SDK1: variants seen among roughly 807,000 people sequenced by gnomAD.
SDK1 encodes protein sidekick-1.
SDK1 carries 157 observed loss-of-function variants against 245.5 expected under a neutral mutation model. The ratio of observed to expected loss-of-function variants is 0.64; its 90% CI spans 0.56 to 0.73. SDK1 has a LOEUF of 0.73. SDK1 is among the 30% of genes least tolerant of loss of function. The pLI is 0.00. For synonymous variants in SDK1, 1,647 were observed against 1,278.5 expected, an observed-to-expected ratio of 1.29 and a Z score of -6.15; for missense variants, 3,583 against 3,002.3, an observed-to-expected ratio of 1.19 and a Z score of -4.52.
At chr7:3,737,480 G>C (rs1466022140) in intron 4 of SDK1, among the ~76,000 whole-genome samples, 1 of 152,228 alleles carries the variant, frequency 6.6e-6, no homozygotes, top group East Asian at 1.9e-4. Context: ...GCTGTAGGCT[G>C]AGCCCCAGGG....
At chr7:3,553,168 G>A (rs1032629787) in intron 1 of SDK1, among the ~76,000 whole-genome samples, 2 of 151,972 alleles carry the variant, frequency 1.3e-5, no homozygotes, top group Admixed American at 6.6e-5. Context: ...AACAATAGCT[G>A]ACATTTTCTG....
At chr7:3,693,318 C>G (rs929308732) in intron 4 of SDK1, among the ~76,000 whole-genome samples, 1 of 152,058 alleles carries the variant, frequency 6.6e-6, no homozygotes, top group African/African-American at 2.4e-5. Context: ...TTCCAAATCC[C>G]TCTCGTTATT....
intron 25 of SDK1, among the ~76,000 whole-genome samples, chr7:4,118,222 T>G (rs1783839686): frequency 1.3e-5 from 2 of 152,092 alleles, no homozygotes; most frequent in Admixed American, 1.3e-4. Context: ...TATAAAGACT[T>G]CACAACAAAA....
At chr7:4,142,159 A>G (rs1383517139) in intron 28 of SDK1, among the ~76,000 whole-genome samples, 2 of 152,158 alleles carry the variant, frequency 1.3e-5, no homozygotes, top group Admixed American at 6.5e-5. Flanking sequence ...AGCAGGCTGA[A>G]CCCTACGCAT....
intron 44 of SDK1, among the ~76,000 whole-genome samples, chr7:4,263,372 C>T (rs963724175): frequency 6.6e-6 from 1 of 151,136 alleles, no homozygotes; most frequent in Non-Finnish European, 1.5e-5. Context: ...CTGCGTAGAC[C>T]TCTGCTGGGT....
intron 1 of SDK1, among the ~76,000 whole-genome samples, chr7:3,370,093 A>T (rs141124358): frequency 1.3e-5 from 2 of 152,360 alleles, no homozygotes; most frequent in African/African-American, 4.8e-5. Context: ...GGCCTAAGTT[A>T]AAGTTTGCAT....
At chr7:3,904,058 C>T (rs573057185) in intron 5 of SDK1, among the ~76,000 whole-genome samples, 59 of 152,276 alleles carry the variant, frequency 3.9e-4, no homozygotes, top group African/African-American at 1.4e-3. Flanking sequence ...TGTGAGCCAA[C>T]TACACCTCTT....
intron 2 of SDK1, among the ~76,000 whole-genome samples, chr7:3,620,517 T>G (rs4476896): frequency 0.66 from 99,518 of 151,924 alleles, 32,984 homozygotes; most frequent in South Asian, 0.78. Context: ...TGACCAGGCT[T>G]GTCTCAAACT....
intron 1 of SDK1, among the ~76,000 whole-genome samples, chr7:3,544,381 A>C: frequency 6.6e-6 from 1 of 152,334 alleles, no homozygotes; most frequent in Admixed American, 6.5e-5. Flanking sequence ...TAGCGACCTC[A>C]CAGGCAGCAT....
intron 1 of SDK1, among the ~76,000 whole-genome samples, chr7:3,344,303 C>T (rs1480764006): frequency 2.0e-5 from 3 of 152,158 alleles, no homozygotes; most frequent in Non-Finnish European, 2.9e-5. Flanking sequence ...AGTTCAGTAG[C>T]ATCAAATACG....
chr7:4,123,055 C>T (rs542900242), intron 25 of SDK1, among the ~76,000 whole-genome samples: 7 of 152,288 alleles, frequency 4.6e-5, no homozygotes, highest in South Asian at 4.1e-4. Context: ...TCTCCAGGGA[C>T]GGGGTTGGCT....
intron 22 of SDK1, among the ~76,000 whole-genome samples, chr7:4,090,580 T>G (rs892741226): frequency 2.6e-5 from 4 of 152,232 alleles, no homozygotes; most frequent in African/African-American, 4.8e-5. Context: ...CTGTATTCTT[T>G]TGATGTCTCC....
At chr7:3,531,842 C>G (rs965093653) in intron 1 of SDK1, among the ~76,000 whole-genome samples, 3 of 152,142 alleles carry the variant, frequency 2.0e-5, no homozygotes, top group South Asian at 4.1e-4. Context: ...ATAAGGAATA[C>G]TTTGCGGTTC....
At chr7:3,807,927 G>C (rs538488687) in intron 4 of SDK1, among the ~76,000 whole-genome samples, 11 of 152,194 alleles carry the variant, frequency 7.2e-5, no homozygotes, top group Middle Eastern at 6.8e-3. Context: ...TTAATATCTC[G>C]TTTAATTCTC....
chr7:4,085,666 T>C (rs898394609), intron 22 of SDK1, among the ~76,000 whole-genome samples: 2 of 152,194 alleles, frequency 1.3e-5, no homozygotes, highest in Admixed American at 6.5e-5. Context: ...GCTATTCTCC[T>C]GCCTCAGCCT....
intron 4 of SDK1, among the ~76,000 whole-genome samples, chr7:3,654,648 T>C: frequency 6.6e-6 from 1 of 152,182 alleles, no homozygotes; most frequent in East Asian, 1.9e-4. Context: ...TAGATGACAC[T>C]GTCCCTGCTG....
chr7:3,482,737 C>G (rs1008859692), intron 1 of SDK1, among the ~76,000 whole-genome samples: 2 of 152,300 alleles, frequency 1.3e-5, no homozygotes, highest in African/African-American at 2.4e-5. Context: ...TACAACTCCT[C>G]TCTGGAGGAA....
intron 22 of SDK1, among the ~76,000 whole-genome samples, chr7:4,089,310 C>G (rs1437876861): frequency 1.3e-5 from 2 of 152,240 alleles, no homozygotes; most frequent in East Asian, 3.9e-4. Flanking sequence ...GGCGCCCAGA[C>G]CCCGACTCAG....
chr7:3,602,851 G>A (rs1583215612), intron 1 of SDK1, among the ~76,000 whole-genome samples: 2 of 152,076 alleles, frequency 1.3e-5, no homozygotes, highest in Admixed American at 1.3e-4. Context: ...ATTAATTTTT[G>A]TATAAGGTGT....
Sources: allele counts gnomAD v4.1 joint callset (sites outside exome capture counted in the v4.1 genomes callset), GRCh38; gene constraint gnomAD v4.1.1; transcripts MANE v1.5; gene names NCBI Gene and HGNC (gene_info 2026-07-23, HGNC 2026-07-21).